MROH7: variants seen among roughly 807,000 people sequenced by gnomAD.
The protein encoded by MROH7 is maestro heat-like repeat-containing protein family member 7.
Under a neutral mutation model 129.2 loss-of-function variants are expected in MROH7, and 113 were observed. The observed-to-expected ratio is 0.87, with a 90% CI of 0.75 to 1.02. MROH7 has a LOEUF of 1.02. Ranked by LOEUF, MROH7 falls within the 50% of genes least tolerant of loss-of-function variation. The pLI, the probability that MROH7 is intolerant of heterozygous loss-of-function variation, is 0.00. For missense variants in MROH7, 1,601 were observed against 1,671.3 expected (o/e 0.96, Z 0.73); for synonymous variants, 655 against 667.9 (o/e 0.98, Z 0.30).
intron 21 of MROH7, among the ~76,000 whole-genome samples, chr1:54,704,352 G>A (rs961453162): frequency 6.6e-6 from 1 of 152,104 alleles, no homozygotes; most frequent in African/African-American, 2.4e-5. Context: ...TTGAAGGTAG[G>A]GGTGAAGAGC....
At chr1:54,682,160 C>CTTT (rs36109984) in intron 13 of MROH7, among the ~76,000 whole-genome samples, 1 of 134,962 alleles carries the variant, frequency 7.4e-6, no homozygotes, top group Non-Finnish European at 1.6e-5. Flanking sequence ...TTCTTTCTTT[C>CTTT]TTTTTTTTTT....
intron 5 of MROH7, 53 bp from the exon 6 acceptor site, chr1:54,670,444 G>C: frequency 6.5e-7 from 1 of 1,534,076 alleles, no homozygotes; most frequent in South Asian, 1.2e-5. Flanking sequence ...CCTTGGCCCT[G>C]GTGGCCTGCA....
At chr1:54,669,575 A>C (rs529307714) in intron 5 of MROH7, among the ~76,000 whole-genome samples, 1 of 152,308 alleles carries the variant, frequency 6.6e-6, no homozygotes, top group Admixed American at 6.5e-5. Context: ...CCCAGGCTGG[A>C]GTGCAGTGGC....
chr1:54,673,109 C>T lies in MROH7; in HGVS notation c.1618C>T (p.Leu540=), dbSNP rs751520019. The T allele has an allele frequency of 5.6e-6, 9 of 1,613,820 alleles. No homozygotes were observed. The East Asian group carries it at 8.9e-5, about 16-fold the overall frequency. Residue 540 remains leucine (L), a synonymous_variant, in exon 8 of 24, where the codon CTG becomes TTG. Coordinates refer to ENST00000421030, the MANE Select transcript of MROH7 (RefSeq NM_001039464.4). ...TCCACAGGCTCTTTACCATCAGACC[C>T]TGGAGGCCCTGCAGACACTGCTCAA... is the stretch of plus-strand genomic sequence containing the variant. The part of the protein sequence containing the change: ...ETIQALYHQT[L]EALQTLLKAL...
intron 16 of MROH7, among the ~76,000 whole-genome samples, chr1:54,693,265 C>G (rs565585780): frequency 9.2e-5 from 14 of 152,164 alleles, no homozygotes; most frequent in Non-Finnish European, 1.8e-4. Flanking sequence ...GCAGAGGCAA[C>G]ATAGTGAAAC....
At chr1:54,680,085 G>C in intron 13 of MROH7, 40 bp downstream of exon 13, 1 of 1,593,604 alleles carries the variant, frequency 6.3e-7, no homozygotes, top group Non-Finnish European at 8.6e-7. Flanking sequence ...CATCTTACAG[G>C]GTTCAAGCAG....
intron 13 of MROH7, among the ~76,000 whole-genome samples, chr1:54,681,572 G>A (rs914867977): frequency 6.6e-6 from 1 of 152,224 alleles, no homozygotes; most frequent in Admixed American, 6.5e-5. Flanking sequence ...AGGTTGCCAG[G>A]GGAACAGAGC....
intron 3 of MROH7, among the ~76,000 whole-genome samples, chr1:54,654,896 G>A (rs1002372549): frequency 2.6e-5 from 4 of 151,992 alleles, no homozygotes; most frequent in Admixed American, 2.6e-4. Flanking sequence ...GTCAGTTTCT[G>A]ATGCTGTAAA....
intron 16 of MROH7, among the ~76,000 whole-genome samples, chr1:54,694,056 G>A (rs1342428121): frequency 2.6e-5 from 4 of 151,858 alleles, no homozygotes; most frequent in African/African-American, 9.7e-5. Context: ...TAATTTTTGT[G>A]TTTTTAGTAG....
chr1:54,699,150 CTTT>C (rs1645381586), intron 17 of MROH7: 2 of 78,728 alleles, frequency 2.5e-5, no homozygotes, highest in African/African-American at 9.9e-5. Flanking sequence ...TTCTTTCTTT[CTTT>C]CTTTCTTTTC....
At chr1:54,659,745 G>A (rs950425319) in intron 3 of MROH7, among the ~76,000 whole-genome samples, 4 of 152,096 alleles carry the variant, frequency 2.6e-5, no homozygotes, top group African/African-American at 7.2e-5. Context: ...GAGCCACTGT[G>A]CCCGGCTGTA....
At chr1:54,651,354 T>A (rs866065628) in intron 1 of MROH7, 3 of 152,202 alleles carry the variant, frequency 2.0e-5, no homozygotes, top group Admixed American at 6.5e-5. Flanking sequence ...GCCTGAGAAC[T>A]TTCAGGTGGC....
chr1:54,698,337 C>T (rs561158407), intron 17 of MROH7: 2 of 152,576 alleles, frequency 1.3e-5, no homozygotes, highest in East Asian at 1.9e-4. Flanking sequence ...CTCTGTGAGT[C>T]AGTTAAATTG....
At chr1:54,643,582 G>A (rs543582227) in intron 1 of MROH7, among the ~76,000 whole-genome samples, 2 of 152,208 alleles carry the variant, frequency 1.3e-5, no homozygotes, top group South Asian at 4.1e-4. Context: ...GAGAGGGGAG[G>A]TAAGGGAAAG....
intron 3 of MROH7, among the ~76,000 whole-genome samples, chr1:54,659,539 C>T (rs1644700611): frequency 6.6e-6 from 1 of 151,994 alleles, no homozygotes; most frequent in Admixed American, 6.6e-5. Flanking sequence ...ACCACAACCT[C>T]TGCCTCCGGG....
chr1:54,706,451 A>C lies in MROH7; in HGVS notation c.3581A>C (p.Asp1194Ala). ...ICKCLVNTHR[D>A]SAFIFLSQSL... ...TTGTCCTAGGTGAACACCCACCGAG[A>C]CAGCGCCTTCATATTCCTCAGCCAG... is the stretch of plus-strand genomic sequence containing the variant. The change falls in exon 22 of 24, where the codon GAC becomes GCC. Residue 1194 changes from aspartate to alanine, a missense_variant. Physicochemically the swap from Asp to Ala is moderately radical, Grantham distance 126. Transcript: ENST00000421030. 6.2e-7 allele frequency: 1 copy of C among 1,613,618 alleles called. No homozygotes were observed. Among genetic ancestry groups the C allele is most frequent in the Non-Finnish European group, 8.5e-7 (1 of 1,179,920 alleles).
At chr1:54,695,723 A>G (rs1456594078) in intron 17 of MROH7, 2 of 565,082 alleles carry the variant, frequency 3.5e-6, no homozygotes, top group Non-Finnish European at 6.5e-6. Context: ...GGAACCACCA[A>G]CCTTTGCTGG....
intron 3 of MROH7, chr1:54,663,840 G>A (rs1417464330): frequency 4.5e-6 from 2 of 440,712 alleles, no homozygotes; most frequent in South Asian, 3.3e-5. Context: ...CCTTTTAGTG[G>A]GGAAAGGTAT....
chr1:54,692,331 T>C (rs567145172), intron 15 of MROH7, 93 bp from the exon 16 acceptor site: 1 of 1,515,304 alleles, frequency 6.6e-7, no homozygotes, highest in Admixed American at 1.9e-5. Context: ...GAGAAGTTTG[T>C]CGGGCCAGAT....
Sources: gnomAD v4.1 joint callset for allele counts (sites outside exome capture counted in the v4.1 genomes callset) on GRCh38, gnomAD v4.1.1 for gene constraint, MANE v1.5 for transcripts, NCBI Gene and HGNC (gene_info 2026-07-23, HGNC 2026-07-21) for gene names.